The following TMEM135 variants were observed in gnomAD, a reference collection of about 807,000 sequenced individuals.
The protein encoded by TMEM135 is peroxisomal membrane protein 52.
In TMEM135, 30 loss-of-function variants were observed where a neutral mutation model predicts 60.3. The observed-to-expected ratio is 0.50, with a 90% CI of 0.37 to 0.68. TMEM135 has a LOEUF of 0.68. Among genes scored for constraint, TMEM135 ranks in the 30% least tolerant of loss-of-function variants. The pLI is 0.00. For missense variants in TMEM135, 468 were observed against 548.8 expected, an observed-to-expected ratio of 0.85 and a Z score of 1.47; for synonymous variants, 190 against 186.7, an observed-to-expected ratio of 1.02 and a Z score of -0.14.
chr11:87,237,204 G>A (rs1219173112), intron 6 of TMEM135, among the ~76,000 whole-genome samples: 2 of 151,968 alleles, frequency 1.3e-5, no homozygotes, highest in African/African-American at 4.8e-5. Context: ...GGGCTAAGGG[G>A]AAGAGTGTTA....
chr11:87,149,805 C>A (rs1938509192), intron 4 of TMEM135, among the ~76,000 whole-genome samples: 1 of 152,204 alleles, frequency 6.6e-6, no homozygotes, highest in Non-Finnish European at 1.5e-5. Flanking sequence ...CAGTCCTCAA[C>A]TATATTCTCA....
intron 6 of TMEM135, among the ~76,000 whole-genome samples, chr11:87,249,255 A>T (rs1941362211): frequency 6.6e-6 from 1 of 152,132 alleles, no homozygotes; most frequent in South Asian, 2.1e-4. Flanking sequence ...ATTATGTGGA[A>T]GTATATTCCT....
At chr11:87,055,251 T>C (rs1949882525) in intron 1 of TMEM135, among the ~76,000 whole-genome samples, 1 of 152,162 alleles carries the variant, frequency 6.6e-6, no homozygotes, top group Non-Finnish European at 1.5e-5. Flanking sequence ...AAACAAATTT[T>C]AACGTGACAA....
At chr11:87,146,139 C>T (rs539703397) in intron 4 of TMEM135, among the ~76,000 whole-genome samples, 6 of 152,144 alleles carry the variant, frequency 3.9e-5, no homozygotes, top group Admixed American at 2.6e-4. Flanking sequence ...TTCCTTCTCC[C>T]GTATGTGAAA....
At chr11:87,089,684 G>A (rs1320754890) in intron 3 of TMEM135, among the ~76,000 whole-genome samples, 5 of 152,074 alleles carry the variant, frequency 3.3e-5, no homozygotes, top group African/African-American at 1.2e-4. Context: ...CCCTTGAGAA[G>A]CACTTAACTT....
At chr11:87,108,948 A>G (rs575995425) in intron 4 of TMEM135, among the ~76,000 whole-genome samples, 1 of 152,194 alleles carries the variant, frequency 6.6e-6, no homozygotes, top group South Asian at 2.1e-4. Context: ...ACTGAACAAT[A>G]TGGAAGAATG....
chr11:87,237,696 T>G (rs1261943105), intron 6 of TMEM135, among the ~76,000 whole-genome samples: 1 of 151,972 alleles, frequency 6.6e-6, no homozygotes, highest in Admixed American at 6.6e-5. Flanking sequence ...TTTACACTCT[T>G]AGTTATTTAA....
At chr11:87,176,484 T>C (rs1251612765) in intron 5 of TMEM135, among the ~76,000 whole-genome samples, 1 of 152,124 alleles carries the variant, frequency 6.6e-6, no homozygotes, top group Non-Finnish European at 1.5e-5. Flanking sequence ...TGGACTAAGA[T>C]AGTGAGTTTG....
intron 4 of TMEM135, among the ~76,000 whole-genome samples, chr11:87,148,905 T>G (rs1043207595): frequency 5.9e-5 from 9 of 152,210 alleles, no homozygotes; most frequent in Non-Finnish European, 1.3e-4. Context: ...ATTATTGGCC[T>G]GTTATAAATC....
At chr11:87,065,550 T>C (rs1194473858) in intron 1 of TMEM135, among the ~76,000 whole-genome samples, 3 of 152,234 alleles carry the variant, frequency 2.0e-5, no homozygotes. Context: ...GACTTCTTTA[T>C]GTATTCTAGA....
chr11:87,148,640 C>T (rs1181535628), intron 4 of TMEM135, among the ~76,000 whole-genome samples: 25 of 151,868 alleles, frequency 1.6e-4, no homozygotes, highest in Admixed American at 1.6e-3. Context: ...GTAGCCTGAC[C>T]TACAGGAGGA....
At chr11:87,082,007 C>T (rs1473011742) in intron 3 of TMEM135, among the ~76,000 whole-genome samples, 1 of 152,162 alleles carries the variant, frequency 6.6e-6, no homozygotes, top group Non-Finnish European at 1.5e-5. Context: ...GTTAACAATA[C>T]TGGGAGATAG....
intron 9 of TMEM135, 44 bp from the exon 10 acceptor site, chr11:87,309,461 C>CA (rs780021841): frequency 6.2e-7 from 1 of 1,609,564 alleles, no homozygotes; most frequent in East Asian, 2.2e-5. Flanking sequence ...TCAAAAACTT[C>CA]AAAATTTGTT....
At chr11:87,205,548 C>T (rs1940216658) in intron 5 of TMEM135, among the ~76,000 whole-genome samples, 1 of 152,050 alleles carries the variant, frequency 6.6e-6, no homozygotes, top group Non-Finnish European at 1.5e-5. Flanking sequence ...AGAAGTTTTT[C>T]CATTTTTGTA....
chr11:87,308,450 T>A (rs938990251), intron 9 of TMEM135, among the ~76,000 whole-genome samples: 1 of 152,196 alleles, frequency 6.6e-6, no homozygotes, highest in Non-Finnish European at 1.5e-5. Flanking sequence ...TGTGTTTTAA[T>A]AAGGCATTAG....
intron 4 of TMEM135, among the ~76,000 whole-genome samples, chr11:87,151,439 A>G (rs1938553642): frequency 6.6e-6 from 1 of 151,736 alleles, no homozygotes; most frequent in African/African-American, 2.4e-5. Context: ...ATTTCTTTTG[A>G]TCTTCCATTT....
intron 4 of TMEM135, among the ~76,000 whole-genome samples, chr11:87,111,257 C>A (rs1042192730): frequency 2.0e-5 from 3 of 151,916 alleles, no homozygotes; most frequent in Non-Finnish European, 2.9e-5. Context: ...TGTTTCACAT[C>A]TTTTAGTTAT....
In TMEM135 at chr11:87,189,904, A is replaced by C. The variant is rs182467181; in HGVS notation, c.462+32498A>C. The stretch of plus-strand genomic sequence containing the variant: ...GCATTCCAACCTGGGTGACAGAGCA[A>C]GATCCTGTCTCATAATGAATGAATG... On this transcript the variant is annotated intron_variant, in intron 5 of 14. Transcript: ENST00000305494. 1.7e-4 allele frequency among the ~76,000 whole-genome samples: 26 copies of C among 152,244 alleles called. No homozygotes were observed. In the East Asian group the frequency reaches 2.9e-3, roughly 17 times the overall value.
intron 6 of TMEM135, among the ~76,000 whole-genome samples, chr11:87,293,822 A>G (rs895066686): frequency 4.7e-4 from 71 of 152,270 alleles, no homozygotes; most frequent in African/African-American, 1.5e-3. Flanking sequence ...AATAAACATA[A>G]CGTGTGCATG....
Sources: gnomAD v4.1 joint callset for allele counts (sites outside exome capture counted in the v4.1 genomes callset) on GRCh38, gnomAD v4.1.1 for gene constraint, MANE v1.5 for transcripts, NCBI Gene and HGNC (gene_info 2026-07-23, HGNC 2026-07-21) for gene names.